Variants in CTSB observed in about 807,000 individuals in gnomAD.
CTSB encodes the protein cathepsin B.
CTSB carries 57 observed loss-of-function variants against 44.3 expected under a neutral mutation model. The ratio of observed to expected loss-of-function variants is 1.29; its 90% CI spans 1.04 to 1.60. The LOEUF (loss-of-function observed/expected upper bound fraction) is 1.60, where lower values mean the gene tolerates loss of function less well. Ranked by LOEUF, CTSB falls within the 40% of genes most tolerant of loss-of-function variation. The probability of loss-of-function intolerance (pLI) is 0.00; values close to 1 mark genes in which losing one functional copy is unlikely to be tolerated. For missense variants in CTSB, 768 were observed against 443.0 expected (o/e 1.73, Z -6.59); for synonymous variants, 320 against 168.0 (o/e 1.91, Z -7.00).
intron 8 of CTSB, chr8:11,846,092 AC>A: frequency 4.8e-6 from 1 of 209,418 alleles, no homozygotes; most frequent in South Asian, 1.1e-4. Flanking sequence ...ATGCTAGATG[AC>A]TGATTCATCT....
At chr8:11,848,595 G>A in intron 5 of CTSB, 2 of 327,896 alleles carry the variant, frequency 6.1e-6, no homozygotes, top group Non-Finnish European at 1.2e-5. Flanking sequence ...TTTCGGATCT[G>A]CAGCCGCCAG....
chr8:11,851,949 G>C (rs995352088), intron 3 of CTSB, among the ~76,000 whole-genome samples: 4 of 152,324 alleles, frequency 2.6e-5, no homozygotes, highest in East Asian at 3.9e-4. Flanking sequence ...TTACAGGCGT[G>C]AGCCACCATA....
At chr8:11,861,885 G>A (rs538791705) in intron 1 of CTSB, among the ~76,000 whole-genome samples, 1 of 152,330 alleles carries the variant, frequency 6.6e-6, no homozygotes, top group East Asian at 1.9e-4. Flanking sequence ...CAGGGTAGTT[G>A]AGGCTGACGC....
At chr8:11,863,112 A>C (rs904827977) in intron 1 of CTSB, among the ~76,000 whole-genome samples, 2 of 152,188 alleles carry the variant, frequency 1.3e-5, no homozygotes, top group Admixed American at 1.3e-4. Flanking sequence ...CAGGAGATTA[A>C]GACCAGCCTG....
chr8:11,848,202 C>G (rs1375727486), intron 5 of CTSB, 50 bp from the exon 6 acceptor site: 4 of 1,517,884 alleles, frequency 2.6e-6, no homozygotes, highest in Non-Finnish European at 3.7e-6. Flanking sequence ...ACCACCAGCT[C>G]TCCAGACCAC....
intron 2 of CTSB, 112 bp downstream of exon 2, chr8:11,853,217 T>C: frequency 6.8e-7 from 1 of 1,468,374 alleles, no homozygotes; most frequent in Non-Finnish European, 9.3e-7. Context: ...TTTTCAACAG[T>C]CCAGGACAAT....
intron 4 of CTSB, among the ~76,000 whole-genome samples, chr8:11,850,356 T>C (rs1416435914): frequency 1.1e-4 from 16 of 139,218 alleles, no homozygotes; most frequent in African/African-American, 4.1e-4. Context: ...GAGGCAGAGG[T>C]TGCAGTGAGC....
Position 11,845,037 on chromosome 8 carries a change from A to C in CTSB, c.*88T>G. ...AATCCAGTCCTTCAGACCCTGTCTG[A>C]AACTTGTATCTTACGTGAACTTAAA... On this transcript the variant is annotated 3_prime_UTR_variant, in exon 10 of 10. Coordinates refer to ENST00000353047, the MANE Select transcript of CTSB (RefSeq NM_001908.5). The C allele has an allele frequency of 2.2e-6, 2 of 922,756 alleles. No homozygotes were observed. Among genetic ancestry groups the C allele is most frequent in the Non-Finnish European group, 3.5e-6 (2 of 574,630 alleles). The allele number at this position is 922,756 out of a possible 1,614,324, so 57.2% of individuals were successfully genotyped here.
At chr8:11,863,792 A>C (rs920360137) in intron 1 of CTSB, among the ~76,000 whole-genome samples, 1 of 152,170 alleles carries the variant, frequency 6.6e-6, no homozygotes, top group Non-Finnish European at 1.5e-5. Flanking sequence ...AGTGTTGGTA[A>C]ATGTGAGGAA....
intron 4 of CTSB, 181 bp downstream of exon 4, chr8:11,850,685 C>G (rs1458615850): frequency 1.2e-5 from 6 of 503,682 alleles, no homozygotes; most frequent in Admixed American, 6.4e-5. Flanking sequence ...GCCACTCCAC[C>G]TAATCCTCGC....
intron 8 of CTSB, chr8:11,846,104 G>A (rs1379346453): frequency 2.1e-5 from 4 of 189,594 alleles, no homozygotes; most frequent in African/African-American, 4.7e-5. Context: ...TGATTCATCT[G>A]TTCTTTATAC....
intron 4 of CTSB, chr8:11,850,579 A>C: frequency 7.0e-6 from 2 of 284,090 alleles, no homozygotes; most frequent in Admixed American, 4.5e-5. Context: ...TAGCAGTGAG[A>C]GCTCCTGGTA....
chr8:11,850,733 G>A (rs571965437), intron 4 of CTSB, 133 bp downstream of exon 4: 78 of 587,068 alleles, frequency 1.3e-4, no homozygotes, highest in Middle Eastern at 4.8e-4. Context: ...TTTTTGTACT[G>A]ATGGAAACTG....
chr8:11,848,515 G>C (rs1439696006), intron 5 of CTSB: 2 of 380,362 alleles, frequency 5.3e-6, no homozygotes, highest in South Asian at 4.4e-5. Context: ...TCTCTGAAAT[G>C]AGAATCGCCA....
intron 8 of CTSB, chr8:11,846,515 G>C (rs74525406): frequency 3.9e-5 from 6 of 152,876 alleles, no homozygotes; most frequent in Non-Finnish European, 2.9e-5. Flanking sequence ...CAGGACTTGG[G>C]GATGGGGACT....
chr8:11,862,068 A>G (rs1012204996), intron 1 of CTSB, among the ~76,000 whole-genome samples: 1 of 152,122 alleles, frequency 6.6e-6, no homozygotes, highest in Non-Finnish European at 1.5e-5. Flanking sequence ...ATAGCCAGGC[A>G]TGGTGGCAGG....
In CTSB at chr8:11,847,829, G is replaced by A. The variant is rs779548305; in HGVS notation, c.533-7C>T. 42 of 1,587,388 alleles carry A rather than the reference G, an allele frequency of 2.6e-5. No homozygotes were observed. Among genetic ancestry groups the A allele is most frequent in the South Asian group, 5.8e-5 (5 of 86,746 alleles). ...ATGGAGTACGGTCTGCACCCTGATGGGACGCGGGAGAAAGCGGAGTCAACC... is the reference window on the plus strand; with the variant it reads ...ATGGAGTACGGTCTGCACCCTGATGAGACGCGGGAGAAAGCGGAGTCAACC... On this transcript the variant is annotated splice_polypyrimidine_tract_variant and splice_region_variant and intron_variant, in intron 6 of 9. Coordinates refer to ENST00000353047, the MANE Select transcript of CTSB (RefSeq NM_001908.5).
At chr8:11,861,647 C>G (rs1248288531) in intron 1 of CTSB, among the ~76,000 whole-genome samples, 2 of 152,332 alleles carry the variant, frequency 1.3e-5, no homozygotes, top group East Asian at 3.9e-4. Context: ...CTGGAAAGTT[C>G]TGAAAGCTTT....
At chr8:11,849,006 C>A (rs777043362) in intron 5 of CTSB, 40 bp downstream of exon 5, 3 of 1,501,944 alleles carry the variant, frequency 2.0e-6, no homozygotes, top group Middle Eastern at 1.7e-4. Flanking sequence ...CCCAGGGTCT[C>A]TCAGCACTAA....
Sources: allele counts gnomAD v4.1 joint callset (sites outside exome capture counted in the v4.1 genomes callset), GRCh38; gene constraint gnomAD v4.1.1; transcripts MANE v1.5; gene names NCBI Gene and HGNC (gene_info 2026-07-23, HGNC 2026-07-21).